PCDHA2: variants seen among roughly 807,000 people sequenced by gnomAD.
PCDHA2 encodes protocadherin alpha 2.
PCDHA2 carries 58 observed loss-of-function variants against 66.0 expected under a neutral mutation model. That is an observed-to-expected ratio of 0.88 (90% CI 0.71 to 1.09). The LOEUF is 1.09. Ranked by LOEUF, PCDHA2 falls within the 50% of genes least tolerant of loss-of-function variation. The pLI is 0.00. For missense variants in PCDHA2, 1,267 were observed against 1,242.3 expected (o/e 1.02, Z -0.30); for synonymous variants, 634 against 554.0 (o/e 1.14, Z -2.03).
intron 1 of PCDHA2, among the ~76,000 whole-genome samples, chr5:140,976,407 C>T (rs781867787): frequency 1.1e-4 from 17 of 151,868 alleles, no homozygotes; most frequent in Non-Finnish European, 2.1e-4. Flanking sequence ...AAAAATTAGC[C>T]AGGTACGGTG....
chr5:140,804,965 A>G, intron 1 of PCDHA2: 4 of 1,454,770 alleles, frequency 2.7e-6, no homozygotes, highest in Non-Finnish European at 3.7e-6. Flanking sequence ...AGTAGTAGCC[A>G]TAGTGTGTCC....
In PCDHA2 at chr5:140,831,742, T is replaced by C. The variant is rs1341664447; in HGVS notation, c.2388+34390T>C. On this transcript the variant is annotated intron_variant, in intron 1 of 3. Coordinates refer to ENST00000526136, the MANE Select transcript of PCDHA2 (RefSeq NM_018905.3). ...TTGGTGTTATCCTCCCTTGCCTAAATTTCATCGCTACCAATTTTGTTTTGT... is the reference window on the plus strand; with the variant it reads ...TTGGTGTTATCCTCCCTTGCCTAAACTTCATCGCTACCAATTTTGTTTTGT... Among the ~76,000 whole-genome samples, 7 of 152,216 alleles carry C rather than the reference T, an allele frequency of 4.6e-5. No individual in the cohort carries two copies. In the South Asian group the frequency reaches 1.5e-3, roughly 32 times the overall value.
Position 140,835,306 on chromosome 5 carries a change from T to C in PCDHA2, c.2388+37954T>C, listed in dbSNP as rs2150233599. 44 of 1,612,968 alleles carry C rather than the reference T, an allele frequency of 2.7e-5. No individual in the cohort carries two copies. The South Asian group carries it at 4.5e-4, about 17-fold the overall frequency. The stretch of plus-strand genomic sequence containing the variant: ...GGGGCAATCACAGTGATAGGACATA[T>C]GGATTTTGAAGAAAGTAGAGCACAC... On this transcript the variant is annotated intron_variant, in intron 1 of 3. Transcript: ENST00000526136.
chr5:140,951,493 A>C (rs1554219918), intron 1 of PCDHA2, among the ~76,000 whole-genome samples: 1 of 152,022 alleles, frequency 6.6e-6, no homozygotes, highest in Non-Finnish European at 1.5e-5. Context: ...TCATGGTGGA[A>C]GGCAAAAGGA....
intron 1 of PCDHA2, chr5:140,869,467 G>A: frequency 6.2e-7 from 1 of 1,614,204 alleles, no homozygotes; most frequent in South Asian, 1.1e-5. Context: ...TGTGAACGTG[G>A]AGGTGAAGGA....
intron 1 of PCDHA2, among the ~76,000 whole-genome samples, chr5:140,898,043 T>A (rs1554187781): frequency 6.6e-6 from 1 of 152,148 alleles, no homozygotes; most frequent in African/African-American, 2.4e-5. Context: ...GTTGTTTGTT[T>A]TTTTCTTGTA....
At chr5:140,867,906 T>C (rs1183238322) in intron 1 of PCDHA2, 1 of 152,148 alleles carries the variant, frequency 6.6e-6, no homozygotes, top group African/African-American at 2.4e-5. Context: ...TTACAGAAGG[T>C]ATAATTAAAA....
chr5:140,830,469 A>C (rs2150186918), intron 1 of PCDHA2: 5 of 1,570,612 alleles, frequency 3.2e-6, no homozygotes, highest in Non-Finnish European at 8.7e-7. Flanking sequence ...GATTTAAATG[A>C]AGATCATGAT....
At chr5:140,967,282 GC>G in intron 1 of PCDHA2, 1 of 1,613,078 alleles carries the variant, frequency 6.2e-7, no homozygotes, top group Non-Finnish European at 8.5e-7. Flanking sequence ...TAGAGAGTGC[GC>G]AGGACCCCGA....
chr5:140,910,858 T>C (rs947258615), intron 1 of PCDHA2, among the ~76,000 whole-genome samples: 3 of 152,190 alleles, frequency 2.0e-5, no homozygotes, highest in Non-Finnish European at 4.4e-5. Context: ...CTATGTTCCA[T>C]CCACCATTAT....
chr5:140,969,700 A>G (rs2096354004), intron 1 of PCDHA2, among the ~76,000 whole-genome samples: 1 of 152,178 alleles, frequency 6.6e-6, no homozygotes. Context: ...CCTCTGCTGT[A>G]TCATCTACAG....
rs17844346 is a variant in PCDHA2 at position 140,857,813 on chromosome 5, G to T, written c.2388+60461G>T. On this transcript the variant is annotated intron_variant, in intron 1 of 3. Transcript: ENST00000526136. Reference sequence around the variant, plus strand: ...GCTGCGGTCGGTGGTTGCGGGTCACGTGGTGGCTAAGGTGCGCGCAGTGGA... The same window carrying T: ...GCTGCGGTCGGTGGTTGCGGGTCACTTGGTGGCTAAGGTGCGCGCAGTGGA... 43 of 1,597,700 alleles carry T rather than the reference G, an allele frequency of 2.7e-5. 5 individuals are homozygous for T. The highest frequency in any genetic ancestry group is 1.8e-4 in the East Asian group (8 of 44,836).
rs2150409863 is a variant in PCDHA2 at position 140,848,399 on chromosome 5, C to A, written c.2388+51047C>A. 68 of 1,293,766 alleles carry A rather than the reference C, an allele frequency of 5.3e-5. 5 individuals are homozygous for A. In the Admixed American group the frequency reaches 5.7e-4, roughly 11 times the overall value. The allele number at this position is 1,293,766 out of a possible 1,614,324, so 80.1% of individuals were successfully genotyped here. A position where few individuals can be genotyped will look rare whatever the true frequency, so the allele number is the denominator to read the frequency against. The stretch of plus-strand genomic sequence containing the variant: ...TCTTTTTCACTCTCTCTGTGCTGAA[C>A]GATGGCGAACACAGCAGAATGGGAC... On this transcript the variant is annotated intron_variant, in intron 1 of 3. Coordinates refer to ENST00000526136, the MANE Select transcript of PCDHA2 (RefSeq NM_018905.3).
chr5:140,825,544 C>T (rs1554130274), intron 1 of PCDHA2: 1 of 151,620 alleles, frequency 6.6e-6, no homozygotes, highest in African/African-American at 2.4e-5. Context: ...CCTGCCTTAT[C>T]TTCCCAAGTA....
At chr5:140,865,367 A>G (rs1392735028) in intron 1 of PCDHA2, 1 of 152,348 alleles carries the variant, frequency 6.6e-6, no homozygotes, top group Middle Eastern at 3.4e-3. Flanking sequence ...CAGGATAACC[A>G]TGTTATAGGT....
intron 1 of PCDHA2, chr5:140,823,011 G>T: frequency 6.2e-7 from 1 of 1,614,246 alleles, no homozygotes; most frequent in Non-Finnish European, 8.5e-7. Flanking sequence ...ACAGCGCCCT[G>T]GACCGCGAGA....
At chr5:140,986,135 A>G (rs2097188048) in intron 3 of PCDHA2, among the ~76,000 whole-genome samples, 1 of 152,256 alleles carries the variant, frequency 6.6e-6, no homozygotes, top group Non-Finnish European at 1.5e-5. Flanking sequence ...GAAAGGATCA[A>G]CAAGGGCATC....
chr5:140,883,552 G>A, intron 1 of PCDHA2: 2 of 1,614,234 alleles, frequency 1.2e-6, no homozygotes, highest in South Asian at 1.1e-5. Flanking sequence ...TGACCGCGCG[G>A]GACGGGGGCT....
chr5:140,918,750 CAG>C (rs2078839943), intron 1 of PCDHA2, among the ~76,000 whole-genome samples: 1 of 152,070 alleles, frequency 6.6e-6, no homozygotes, highest in African/African-American at 2.4e-5. Flanking sequence ...AAAAGAGGCC[CAG>C]AGAGGTGCCT....
Sources: allele counts gnomAD v4.1 joint callset (sites outside exome capture counted in the v4.1 genomes callset), GRCh38; gene constraint gnomAD v4.1.1; transcripts MANE v1.5; gene names NCBI Gene and HGNC (gene_info 2026-07-23, HGNC 2026-07-21).